METTL6: variants seen among roughly 807,000 people sequenced by gnomAD.
The protein encoded by METTL6 is methyltransferase 6, tRNA N3-cytidine.
Under a neutral mutation model 26.4 loss-of-function variants are expected in METTL6, and 22 were observed. The observed-to-expected ratio is 0.83, with a 90% CI of 0.59 to 1.19. The LOEUF is 1.19. METTL6 is among the 50% of genes most tolerant of loss of function. METTL6 has a pLI of 0.00. For synonymous variants in METTL6, 109 were observed against 116.2 expected (o/e 0.94, Z 0.40); for missense variants, 304 against 324.8 (o/e 0.94, Z 0.49).
rs749698016 is a variant in METTL6, at chr3:15,426,258, A to G, written c.225+29T>C. 6 of 1,597,090 alleles carry G rather than the reference A, an allele frequency of 3.8e-6. No individual in the cohort carries two copies. The African/African-American group carries it at 6.7e-5, about 18-fold the overall frequency. On this transcript the variant is annotated intron_variant, in intron 2 of 5. Coordinates refer to ENST00000383790, the MANE Select transcript of METTL6 (RefSeq NM_152396.4). ...CCTCTTCACATTTTAAATGAAGAACAGCTCAGATAAGGCGTAATATTAGCT... is the reference window on the plus strand; with the variant it reads ...CCTCTTCACATTTTAAATGAAGAACGGCTCAGATAAGGCGTAATATTAGCT...
At chr3:15,423,561 C>T (rs542669624) in intron 3 of METTL6, among the ~76,000 whole-genome samples, 9 of 151,832 alleles carry the variant, frequency 5.9e-5, no homozygotes, top group African/African-American at 9.7e-5. Context: ...AGGGAAACCT[C>T]ATCTCTACAA....
At chr3:15,425,763 G>T (rs1175548956) in intron 2 of METTL6, among the ~76,000 whole-genome samples, 4 of 152,114 alleles carry the variant, frequency 2.6e-5, no homozygotes, top group Non-Finnish European at 5.9e-5. Context: ...TCAGCTTAAA[G>T]AAATAGAAAA....
At chr3:15,407,676 C>T (rs538371986), downstream of METTL6, among the ~76,000 whole-genome samples, 4 of 152,338 alleles carry the variant, frequency 2.6e-5, no homozygotes, top group Non-Finnish European at 4.4e-5. Context: ...CGTTAGTCTT[C>T]TAGGGATTCT....
rs150643813 is a variant in METTL6 at position 15,414,262 on chromosome 3, G to T, written c.532-100C>A. ...AAATAAATTTGTGATAGTTACTAAG[G>T]GGACAGACTGAAATGCCCATAATAC... On this transcript the variant is annotated intron_variant, in intron 4 of 5. Coordinates refer to ENST00000383790, the MANE Select transcript of METTL6 (RefSeq NM_152396.4). 3.3e-4 allele frequency: 493 copies of T among 1,501,430 alleles called. No homozygotes were observed. In the African/African-American group the frequency reaches 6.3e-3, roughly 19 times the overall value. 93.0% of individuals were successfully genotyped at this position (1,501,430 alleles called of 1,614,324 possible).
intron 6 of METTL6, among the ~76,000 whole-genome samples, chr3:15,384,895 T>C (rs111664932): frequency 5.1e-4 from 77 of 152,318 alleles, no homozygotes; most frequent in African/African-American, 1.4e-3. Context: ...CTGAAATGCA[T>C]GCTTTAGAGA....
chr3:15,415,574 A>G, intron 4 of METTL6, 198 bp downstream of exon 4: 1 of 1,604,242 alleles, frequency 6.2e-7, no homozygotes, highest in African/African-American at 1.3e-5. Context: ...TCTGAAGAGC[A>G]GCCATGGCAC....
At chr3:15,421,471 T>G (rs937047829) in intron 3 of METTL6, among the ~76,000 whole-genome samples, 7 of 152,268 alleles carry the variant, frequency 4.6e-5, no homozygotes, top group African/African-American at 1.7e-4. Context: ...GGTTTGGGTT[T>G]TGTTATTTTG....
downstream of METTL6, among the ~76,000 whole-genome samples, chr3:15,408,219 A>G (rs938312276): frequency 1.2e-4 from 19 of 152,180 alleles, no homozygotes; most frequent in African/African-American, 4.6e-4. Context: ...CTGGAACGAG[A>G]CACAGGGGTG....
At chr3:15,415,063 C>G in intron 4 of METTL6, 1 of 901,032 alleles carries the variant, frequency 1.1e-6, no homozygotes, top group Non-Finnish European at 1.4e-6. Flanking sequence ...AACAAACAAA[C>G]AAAAAACCAG....
At chr3:15,389,222 G>A (rs1412080549) in intron 6 of METTL6, among the ~76,000 whole-genome samples, 1 of 151,382 alleles carries the variant, frequency 6.6e-6, no homozygotes, top group Non-Finnish European at 1.5e-5. Context: ...TCGAACTCCT[G>A]CCCTCAAGCA....
chr3:15,398,990 A>C (rs901217382), intron 6 of METTL6, among the ~76,000 whole-genome samples: 1 of 152,198 alleles, frequency 6.6e-6, no homozygotes, highest in Non-Finnish European at 1.5e-5. Context: ...AAGCTGGCCA[A>C]AACCCACCAA....
intron 3 of METTL6, among the ~76,000 whole-genome samples, chr3:15,422,690 C>T (rs1173098696): frequency 1.3e-5 from 2 of 151,910 alleles, no homozygotes; most frequent in Non-Finnish European, 2.9e-5. Flanking sequence ...CTAACGAATG[C>T]TAAAACTGTG....
intron 6 of METTL6, among the ~76,000 whole-genome samples, chr3:15,393,073 T>C (rs1699392326): frequency 6.6e-6 from 1 of 152,220 alleles, no homozygotes. Flanking sequence ...ATTGAATCTA[T>C]AAATTACCTT....
chr3:15,398,862 A>C (rs1178338109), intron 6 of METTL6, among the ~76,000 whole-genome samples: 1 of 152,134 alleles, frequency 6.6e-6, no homozygotes, highest in Non-Finnish European at 1.5e-5. Context: ...GGGTAAAATA[A>C]GGCCAAGACC....
At chr3:15,407,696 T>C (rs1699839965), downstream of METTL6, among the ~76,000 whole-genome samples, 1 of 152,216 alleles carries the variant, frequency 6.6e-6, no homozygotes, top group South Asian at 2.1e-4. Flanking sequence ...TAAACCCATC[T>C]AGACCAGCCC....
intron 6 of METTL6, among the ~76,000 whole-genome samples, chr3:15,389,620 G>A (rs973823303): frequency 1.3e-5 from 2 of 152,040 alleles, no homozygotes; most frequent in Non-Finnish European, 2.9e-5. Flanking sequence ...CGCAATCTCG[G>A]CTCACCACAA....
intron 6 of METTL6, among the ~76,000 whole-genome samples, chr3:15,391,441 TCTA>T (rs1042181287): frequency 2.1e-4 from 32 of 152,252 alleles, no homozygotes; most frequent in African/African-American, 6.7e-4. Flanking sequence ...TGTGCTCCAC[TCTA>T]CTAAAATGTT....
At chr3:15,383,801 G>A (rs1041148942) in exon 7 of METTL6, 1 of 152,480 alleles carries the variant, frequency 6.6e-6, no homozygotes, top group African/African-American at 2.4e-5. Context: ...CAGCAGGGAT[G>A]AAAGTCAAGA....
intron 6 of METTL6, among the ~76,000 whole-genome samples, chr3:15,401,554 A>AG (rs947672226): frequency 3.4e-5 from 5 of 147,816 alleles, no homozygotes; most frequent in South Asian, 4.2e-4. Flanking sequence ...AAAAAAAAAA[A>AG]AAAGAAAGAA....
Sources: gnomAD v4.1 joint callset for allele counts (sites outside exome capture counted in the v4.1 genomes callset) on GRCh38, gnomAD v4.1.1 for gene constraint, MANE v1.5 for transcripts, NCBI Gene and HGNC (gene_info 2026-07-23, HGNC 2026-07-21) for gene names.